PRAMEF9: variants seen among roughly 807,000 people sequenced by gnomAD.
The protein encoded by PRAMEF9 is PRAME family member 9.
Under a neutral mutation model 10.9 loss-of-function variants are expected in PRAMEF9, and 1 was observed. The ratio of observed to expected loss-of-function variants is 0.09; its 90% confidence interval spans 0.03 to 0.44. The LOEUF is 0.44. PRAMEF9 is among the 20% of genes least tolerant of loss of function. PRAMEF9 has a pLI of 0.97. For missense variants in PRAMEF9, 126 were observed against 379.8 expected (o/e 0.33, Z 5.55); for synonymous variants, 40 against 148.3 (o/e 0.27, Z 5.31).
chr1:13,175,253 G>A lies in PRAMEF9; in HGVS notation c.-16-12G>A. On this transcript the variant is annotated splice_polypyrimidine_tract_variant and intron_variant, in intron 1 of 3. Coordinates refer to ENST00000415919, the MANE Select transcript of PRAMEF9 (RefSeq NM_001010890.3). ...AGAGTGATGCCTTTTCTCTGGGTTT[G>A]TCCTCTGGAAGTTTTCCCTGCAGAT... 1 of 1,392,916 alleles carries A rather than the reference G, an allele frequency of 7.2e-7. No homozygotes were observed. Among genetic ancestry groups the A allele is most frequent in the Non-Finnish European group, 1.0e-6 (1 of 1,003,124 alleles). 86.3% of individuals were successfully genotyped at this position (1,392,916 alleles called of 1,614,324 possible).
At chr1:13,172,728 G>C (rs1638340794) in intron 1 of PRAMEF9, 196 bp downstream of exon 1, 1 of 137,850 alleles carries the variant, frequency 7.3e-6, no homozygotes, top group African/African-American at 2.5e-5. Context: ...ATTGTGCTTT[G>C]GTTGATGCCA....
At position 13,172,399 on chromosome 1, in the gene PRAMEF9, G is replaced by C; in HGVS notation, c.-150G>C. The C allele has an allele frequency of 7.0e-6, 1 of 143,684 alleles. No individual in the cohort carries two copies. 8.9% of individuals were successfully genotyped at this position (143,684 alleles called of 1,614,324 possible). A position where few individuals can be genotyped will look rare whatever the true frequency, so the allele number is the denominator to read the frequency against. ...TAGCAGCGGATACGTGGAGGGGCGT[G>C]GGTGGGAGTTATGATTAGAAAGGTC... On this transcript the variant is annotated 5_prime_UTR_variant, in exon 1 of 4. Coordinates refer to ENST00000415919, the MANE Select transcript of PRAMEF9 (RefSeq NM_001010890.3).
At chr1:13,176,994 C>A in intron 3 of PRAMEF9, 172 bp downstream of exon 3, 2 of 390,664 alleles carry the variant, frequency 5.1e-6, no homozygotes, top group African/African-American at 2.2e-5. Context: ...ATCATGCAAC[C>A]ATCCCAATAG....
chr1:13,175,202 A>G lies in PRAMEF9; in HGVS notation c.-16-63A>G, dbSNP rs1188865220. The G allele has an allele frequency of 1.0e-5, 14 of 1,377,246 alleles. 1 individual carries two copies. Among genetic ancestry groups the G allele is most frequent in the South Asian group, 1.2e-5 (1 of 83,156 alleles). The allele number at this position is 1,377,246 out of a possible 1,614,324, so 85.3% of individuals were successfully genotyped here. A position where few individuals can be genotyped will look rare whatever the true frequency, so the allele number is the denominator to read the frequency against. On this transcript the variant is annotated intron_variant, in intron 1 of 3. Coordinates refer to ENST00000415919, the MANE Select transcript of PRAMEF9 (RefSeq NM_001010890.3). ...GAGCAGTGAGTTTGGCCATAGGAGA[A>G]GATGAGATTGCATGGGCTTGGCCTG...
rs1638326246 is a variant in PRAMEF9 at position 13,172,112 on chromosome 1, T to G, written c.-437T>G. Reference sequence around the variant, plus strand: ...CTTGTCTCAAACTCCTGACCTCAGATAATCCACCTGCCTCTGCCTCCCACA... The same window carrying G: ...CTTGTCTCAAACTCCTGACCTCAGAGAATCCACCTGCCTCTGCCTCCCACA... On this transcript the variant is annotated 5_prime_UTR_variant, in exon 1 of 4. Transcript: ENST00000415919. 2 of 144,406 alleles carry G rather than the reference T, an allele frequency of 1.4e-5. No homozygotes were observed. Among genetic ancestry groups the G allele is most frequent in the South Asian group, 4.4e-4 (2 of 4,590 alleles). 8.9% of individuals were successfully genotyped at this position (144,406 alleles called of 1,614,324 possible). A position where few individuals can be genotyped will look rare whatever the true frequency, so the allele number is the denominator to read the frequency against.
At chr1:13,173,364 C>A (rs1638350240) in intron 1 of PRAMEF9, 1 of 39,496 alleles carries the variant, frequency 2.5e-5, no homozygotes, top group African/African-American at 6.0e-5. Flanking sequence ...CCTCTTCCAC[C>A]CAAATGGAGA....
Position 13,172,194 on chromosome 1 carries a change from A to C in PRAMEF9, c.-355A>C, listed in dbSNP as rs1160185737. 2.1e-5 allele frequency: 3 copies of C among 144,562 alleles called. No homozygotes were observed. The highest frequency in any genetic ancestry group is 7.3e-5 in the African/African-American group (3 of 41,020). 9.0% of individuals were successfully genotyped at this position (144,562 alleles called of 1,614,324 possible). On this transcript the variant is annotated 5_prime_UTR_variant, in exon 1 of 4. An upstream open reading frame in the 5' UTR loses its in-frame stop. Transcript: ENST00000415919. ...CTGGCCTTGAATGAATGTATTCTTG[A>C]CTTCTACCCTATCCCTAACACTGTC...
chr1:13,178,999 A>C lies in PRAMEF9; in HGVS notation c.1304A>C (p.Gln435Pro), dbSNP rs1167927913. 1.3e-6 allele frequency: 2 copies of C among 1,541,296 alleles called. No individual in the cohort carries two copies. The highest frequency in any genetic ancestry group is 2.2e-5 in the South Asian group (2 of 89,092). The change falls in exon 4 of 4, where the codon CAA becomes CCA. Residue 435 changes from glutamine to proline, a missense_variant. Physicochemically the swap from Gln to Pro is moderately conservative, Grantham distance 76. Coordinates refer to ENST00000415919, the MANE Select transcript of PRAMEF9 (RefSeq NM_001010890.3). ...DGTLCWSRFA[Q>P]IRAELMNRVR... ...ACTCTCTGCTGGAGCAGATTTGCTC[A>C]AATTAGGGCTGAGCTGATGAACAGA...
chr1:13,175,140 G>C (rs1274428135), intron 1 of PRAMEF9, 125 bp from the exon 2 acceptor site: 2 of 1,190,198 alleles, frequency 1.7e-6, no homozygotes, highest in African/African-American at 2.8e-5. Flanking sequence ...GTACAGAGTA[G>C]AATTGGAGTA....
chr1:13,175,389 C>T lies in PRAMEF9; in HGVS notation c.109C>T (p.Leu37Phe). Reference protein sequence around the residue: ...MSTLEELPTELFPPLFMEAFS... With the variant: ...MSTLEELPTEFFPPLFMEAFS... Reference sequence around the variant, plus strand: ...CACCCTGGAGGAGCTGCCCACAGAACTTTTCCCCCCACTGTTCATGGAGGC... The same window carrying T: ...CACCCTGGAGGAGCTGCCCACAGAATTTTTCCCCCCACTGTTCATGGAGGC... Residue 37 changes from leucine (L) to phenylalanine (F), a missense_variant, in exon 2 of 4, where the codon CTT (leucine) becomes TTT (phenylalanine). Coordinates refer to ENST00000415919, the MANE Select transcript of PRAMEF9 (RefSeq NM_001010890.3). 6.6e-7 allele frequency: 1 copy of T among 1,506,222 alleles called. No individual in the cohort carries two copies. Among genetic ancestry groups the T allele is most frequent in the Non-Finnish European group, 9.1e-7 (1 of 1,103,812 alleles). The allele number at this position is 1,506,222 out of a possible 1,614,324, so 93.3% of individuals were successfully genotyped here.
intron 1 of PRAMEF9, chr1:13,175,005 C>T (rs1413835728): frequency 2.4e-6 from 1 of 410,160 alleles, no homozygotes; most frequent in African/African-American, 2.0e-5. Flanking sequence ...TTCCTCCACA[C>T]TCACTAGTCA....
Position 13,172,639 on chromosome 1 carries a change from T to TA in PRAMEF9, c.-17+107_-17+108insA, listed in dbSNP as rs1638339507. Reference sequence around the variant, plus strand: ...GGCAGAGAGCTATATCCTGTCCTTTTTTATATATATATATGAACAATTTGA... The same window carrying TA: ...GGCAGAGAGCTATATCCTGTCCTTTTATTATATATATATATGAACAATTTGA... On this transcript the variant is annotated intron_variant, in intron 1 of 3. Transcript: ENST00000415919. 9.5e-5 allele frequency: 13 copies of TA among 136,274 alleles called. 2 individuals are homozygous for TA. The highest frequency in any genetic ancestry group is 1.5e-4 in the Non-Finnish European group (9 of 60,368). 8.4% of individuals were successfully genotyped at this position (136,274 alleles called of 1,614,324 possible). A position where few individuals can be genotyped will look rare whatever the true frequency, so the allele number is the denominator to read the frequency against.
At position 13,171,878 on chromosome 1, in the gene PRAMEF9, C is replaced by CTTTTTTTTTTTTT. The variant is rs1161135169; in HGVS notation, c.-662_-650dup. The CTTTTTTTTTTTTT allele has an allele frequency of 8.1e-6, 1 of 123,728 alleles. No individual in the cohort carries two copies. Among genetic ancestry groups the CTTTTTTTTTTTTT allele is most frequent in the Non-Finnish European group, 1.8e-5 (1 of 56,196 alleles). 7.7% of individuals were successfully genotyped at this position (123,728 alleles called of 1,614,324 possible). A position where few individuals can be genotyped will look rare whatever the true frequency, so the allele number is the denominator to read the frequency against. On this transcript the variant is annotated 5_prime_UTR_variant, in exon 1 of 4. Coordinates refer to ENST00000415919, the MANE Select transcript of PRAMEF9 (RefSeq NM_001010890.3). ...TTCTCTCTCTCTCTTTTTTCTTTTT[C>CTTTTTTTTTTTTT]TTTTTTTTTTTTTTTTTTTTTAAAT...
chr1:13,178,990 G>A lies in PRAMEF9; in HGVS notation c.1295G>A (p.Arg432Lys). The change falls in exon 4 of 4, where the codon AGA becomes AAA. Residue 432 changes from arginine (R) to lysine (K), a missense_variant. By Grantham distance (26) the Arg-to-Lys change is conservative. Coordinates refer to ENST00000415919, the MANE Select transcript of PRAMEF9 (RefSeq NM_001010890.3). ...YGADGTLCWS[R>K]FAQIRAELMN... ...GCTGATGGTACTCTCTGCTGGAGCA[G>A]ATTTGCTCAAATTAGGGCTGAGCTG... 1 of 1,541,074 alleles carries A rather than the reference G, an allele frequency of 6.5e-7. No homozygotes were observed. Among genetic ancestry groups the A allele is most frequent in the Admixed American group, 1.7e-5 (1 of 58,110 alleles).
rs201210417 is a variant in PRAMEF9, at chr1:13,179,021, C to G, written c.1326C>G (p.Asn442Lys). 1,647 of 1,541,446 alleles carry G rather than the reference C, an allele frequency of 1.1e-3. 212 individuals carry two copies. The highest frequency in any genetic ancestry group is 3.3e-3 in the Admixed American group (191 of 58,136). ...CTCAAATTAGGGCTGAGCTGATGAA[C>G]AGAGTGAGGGACTTAAGGCACCCCA... The part of the protein sequence containing the change: ...RFAQIRAELM[N>K]RVRDLRHPKR... Residue 442 changes from asparagine to lysine, a missense_variant, in exon 4 of 4, where the codon AAC becomes AAG. Asn to Lys is a moderately conservative substitution (Grantham distance 94). Transcript: ENST00000415919.
At chr1:13,174,877 C>T (rs1236487950) in intron 1 of PRAMEF9, 1 of 168,844 alleles carries the variant, frequency 5.9e-6, no homozygotes, top group Admixed American at 8.2e-5. Flanking sequence ...TCCCAACAAA[C>T]TTATTTGTAG....
At position 13,178,974 on chromosome 1, in the gene PRAMEF9, A is replaced by C. The variant is rs781928293; in HGVS notation, c.1279A>C (p.Thr427Pro). 6.5e-7 allele frequency: 1 copy of C among 1,539,878 alleles called. No individual in the cohort carries two copies. Among genetic ancestry groups the C allele is most frequent in the African/African-American group, 1.4e-5 (1 of 74,054 alleles). ...GCGGGAGAGTTATGGTGCTGATGGT[A>C]CTCTCTGCTGGAGCAGATTTGCTCA... ...APRESYGADG[T>P]LCWSRFAQIR... The change falls in exon 4 of 4, where the codon ACT becomes CCT. Residue 427 changes from threonine to proline, a missense_variant. Thr to Pro is a conservative substitution (Grantham distance 38). Transcript: ENST00000415919.
At chr1:13,177,124 T>A in intron 3 of PRAMEF9, 1 of 176,792 alleles carries the variant, frequency 5.7e-6, no homozygotes, top group South Asian at 5.8e-5. Context: ...GACGTGTGTC[T>A]AAGTTAAGAT....
chr1:13,179,053 T>C lies in PRAMEF9; in HGVS notation c.1358T>C (p.Ile453Thr), dbSNP rs782511826. ...AGGGACTTAAGGCACCCCAAGAGGA[T>C]CTTTTTCTGTATTGACAACTGCCCT... ...RVRDLRHPKR[I>T]FFCIDNCPDC... Residue 453 changes from isoleucine to threonine, a missense_variant, in exon 4 of 4, where the codon ATC (isoleucine) becomes ACC (threonine). Physicochemically the swap from Ile to Thr is moderately conservative, Grantham distance 89 (BLOSUM62 -1). Coordinates refer to ENST00000415919, the MANE Select transcript of PRAMEF9 (RefSeq NM_001010890.3). 1.9e-6 allele frequency: 3 copies of C among 1,541,398 alleles called. No homozygotes were observed. The highest frequency in any genetic ancestry group is 2.7e-6 in the Non-Finnish European group (3 of 1,122,740).
Sources: gnomAD v4.1 joint callset for allele counts on GRCh38, gnomAD v4.1.1 for gene constraint, MANE v1.5 for transcripts, NCBI Gene and HGNC (gene_info 2026-07-23, HGNC 2026-07-21) for gene names.